Variants in CTPS2 observed in about 807,000 individuals in gnomAD.
CTPS2 encodes the protein CTP synthase 2, also known as CTP synthase II.
CTPS2 carries 19 observed loss-of-function variants against 46.8 expected under a neutral mutation model. The observed-to-expected ratio is 0.41, with a 90% confidence interval of 0.28 to 0.60. The LOEUF (loss-of-function observed/expected upper bound fraction) is 0.60, where lower values mean the gene tolerates loss of function less well. Ranked by LOEUF, CTPS2 falls within the 20% of genes least tolerant of loss-of-function variation. CTPS2 has a pLI of 0.35. For missense variants in CTPS2, 286 were observed against 447.6 expected (o/e 0.64, Z 3.26); for synonymous variants, 151 against 165.2 (o/e 0.91, Z 0.66).
At chrX:16,691,480 A>G in intron 7 of CTPS2, 60 bp downstream of exon 7, 3 of 965,906 alleles carry the variant, frequency 3.1e-6, no homozygotes, top group Non-Finnish European at 4.5e-6. Context: ...GAAGAGGTAC[A>G]AAACACTGGC....
chrX:16,606,958 G>A (rs1214405406), intron 17 of CTPS2, among the ~76,000 whole-genome samples: 1 of 111,913 alleles, frequency 8.9e-6, no homozygotes, highest in Non-Finnish European at 1.9e-5. Context: ...CACCATGTTC[G>A]CCAGGCTGGT....
rs767888878 is a variant in CTPS2, at chrX:16,658,871, A to T, written c.1296+8643T>A. 6.1e-4 allele frequency among the ~76,000 whole-genome samples: 68 copies of T among 112,268 alleles called. 1 individual carries two copies. The South Asian group carries it at 0.025, about 41-fold the overall frequency. On this transcript the variant is annotated intron_variant, in intron 13 of 18. Coordinates refer to ENST00000359276, the MANE Select transcript of CTPS2 (RefSeq NM_175859.3). The stretch of plus-strand genomic sequence containing the variant: ...ACTGGTGTCTTCCTAGTTCATTATG[A>T]GACTGTGAGCACCAGGTTTCGATGT...
At chrX:16,691,678 T>A in intron 6 of CTPS2, 58 bp from the exon 7 acceptor site, 1 of 991,036 alleles carries the variant, frequency 1.0e-6, no homozygotes, top group African/African-American at 1.9e-5. Context: ...GATGCCACAT[T>A]CATTTCTTTT....
chrX:16,648,224 C>T (rs1019963428), intron 13 of CTPS2, among the ~76,000 whole-genome samples: 21 of 112,161 alleles, frequency 1.9e-4, no homozygotes, highest in Non-Finnish European at 3.0e-4. Context: ...AGAGATTTGA[C>T]GTGGGCTATG....
intron 1 of CTPS2, among the ~76,000 whole-genome samples, chrX:16,705,486 T>C (rs1187484692): frequency 2.7e-5 from 3 of 112,281 alleles, no homozygotes; most frequent in Non-Finnish European, 3.8e-5. Flanking sequence ...TTCATTTAAA[T>C]GTTAAGTCTC....
At chrX:16,625,367 C>T (rs776879046) in intron 14 of CTPS2, among the ~76,000 whole-genome samples, 16 of 112,246 alleles carry the variant, frequency 1.4e-4, no homozygotes, top group African/African-American at 4.5e-4. Context: ...CCTCACAGGA[C>T]GTGCAACAGA....
chrX:16,646,090 A>G (rs1369741853), intron 13 of CTPS2, among the ~76,000 whole-genome samples: 3 of 113,087 alleles, frequency 2.7e-5, no homozygotes, highest in African/African-American at 9.6e-5. Flanking sequence ...TCAGGAAAAG[A>G]ACTTTCTTAC....
chrX:16,633,101 T>A (rs1602167071), intron 14 of CTPS2, among the ~76,000 whole-genome samples: 1 of 76,324 alleles, frequency 1.3e-5, no homozygotes, highest in African/African-American at 5.6e-5. Context: ...TTTTTTTTTT[T>A]GAGACAGGGT....
intron 17 of CTPS2, among the ~76,000 whole-genome samples, chrX:16,603,416 A>AAAATAAAT (rs3053010): frequency 0.37 from 32,343 of 88,214 alleles, 5,214 homozygotes; most frequent in Non-Finnish European, 0.41. Context: ...ACTTGTCTCA[A>AAAATAAAT]AAATAAATAA....
intron 13 of CTPS2, among the ~76,000 whole-genome samples, chrX:16,666,042 G>A (rs1035420631): frequency 1.8e-5 from 2 of 112,539 alleles, no homozygotes; most frequent in Non-Finnish European, 3.8e-5. Context: ...GTGAGCCACC[G>A]CATCTGGCCG....
chrX:16,637,770 A>T (rs896018506), intron 14 of CTPS2, among the ~76,000 whole-genome samples: 5 of 112,151 alleles, frequency 4.5e-5, no homozygotes, highest in Non-Finnish European at 9.4e-5. Context: ...TGTAAGGAAA[A>T]ATGTTAGTGA....
At chrX:16,655,835 G>A (rs1409491282) in intron 13 of CTPS2, among the ~76,000 whole-genome samples, 3 of 106,123 alleles carry the variant, frequency 2.8e-5, no homozygotes, top group Non-Finnish European at 5.8e-5. Context: ...TTGCTCTGTC[G>A]CCCAGGCTGG....
rs1025533290 is a variant in CTPS2, at chrX:16,589,467, A to G, written c.*350T>C. On this transcript the variant is annotated 3_prime_UTR_variant, in exon 19 of 19. Transcript: ENST00000359276. Reference sequence around the variant, plus strand: ...TGCCATCCTTTCCATACAACACAGCAAAGGCACAGTGACCTGGACTCTTGC... The same window carrying G: ...TGCCATCCTTTCCATACAACACAGCGAAGGCACAGTGACCTGGACTCTTGC... 4.4e-5 allele frequency: 5 copies of G among 112,412 alleles called. No individual in the cohort carries two copies. Among genetic ancestry groups the G allele is most frequent in the Non-Finnish European group, 9.4e-5 (5 of 53,301 alleles). The allele number at this position is 112,412 out of a possible 1,213,427, so 9.3% of individuals were successfully genotyped here.
chrX:16,634,408 A>G (rs1237416198), intron 14 of CTPS2, among the ~76,000 whole-genome samples: 1 of 111,710 alleles, frequency 9.0e-6, no homozygotes, highest in Non-Finnish European at 1.9e-5. Context: ...TGATAATTCT[A>G]CACACACTGT....
intron 17 of CTPS2, among the ~76,000 whole-genome samples, chrX:16,604,768 T>C (rs950757770): frequency 8.9e-6 from 1 of 112,955 alleles, no homozygotes; most frequent in Admixed American, 9.4e-5. Context: ...GTATTTCTTA[T>C]AATTACATGA....
At chrX:16,590,699 G>A in intron 18 of CTPS2, 53 bp downstream of exon 18, 1 of 689,229 alleles carries the variant, frequency 1.5e-6, no homozygotes, top group Non-Finnish European at 2.3e-6. Context: ...TCTATACCAA[G>A]ATGACAGCTT....
chrX:16,614,509 A>G (rs1257102243), intron 16 of CTPS2, among the ~76,000 whole-genome samples: 2 of 112,737 alleles, frequency 1.8e-5, no homozygotes, highest in African/African-American at 6.4e-5. Flanking sequence ...CCCAGGAGTT[A>G]GCAAATGTTT....
chrX:16,610,845 G>A (rs922256681), intron 16 of CTPS2, among the ~76,000 whole-genome samples: 2 of 112,509 alleles, frequency 1.8e-5, no homozygotes, highest in Non-Finnish European at 3.7e-5. Flanking sequence ...ATATACCATG[G>A]AATAGTATGC....
intron 14 of CTPS2, 94 bp downstream of exon 14, chrX:16,639,053 G>T (rs1931913309): frequency 1.5e-6 from 1 of 656,266 alleles, no homozygotes; most frequent in Non-Finnish European, 2.5e-6. Context: ...GCTGGAAGGG[G>T]CAGGGGGAGT....
Sources: gnomAD v4.1 joint callset for allele counts (sites outside exome capture counted in the v4.1 genomes callset) on GRCh38, gnomAD v4.1.1 for gene constraint, MANE v1.5 for transcripts, NCBI Gene and HGNC (gene_info 2026-07-23, HGNC 2026-07-21) for gene names.